The following SYNDIG1 variants were observed in gnomAD, a reference collection of about 807,000 sequenced individuals.
SYNDIG1 encodes synapse differentiation inducing 1, also known as synapse differentiation-inducing gene protein 1.
A neutral mutation model predicts 19.4 loss-of-function variants in SYNDIG1; 9 were observed. The observed-to-expected ratio is 0.46, with a 90% CI of 0.28 to 0.81. The LOEUF is 0.81. Among genes scored for constraint, SYNDIG1 ranks in the 30% least tolerant of loss-of-function variants. SYNDIG1 has a pLI of 0.12. For synonymous variants in SYNDIG1, 141 were observed against 145.9 expected (o/e 0.97, Z 0.24); for missense variants, 311 against 343.3 (o/e 0.91, Z 0.74).
At chr20:24,529,963 GA>G (rs1407497504) in intron 1 of SYNDIG1, among the ~76,000 whole-genome samples, 214 of 1,812 alleles carry the variant, frequency 0.12, no homozygotes, top group Non-Finnish European at 0.16. Context: ...TCAGTGTTGG[GA>G]ATAATGATGG....
At chr20:24,586,706 A>G (rs1361923654) in intron 3 of SYNDIG1, among the ~76,000 whole-genome samples, 1 of 152,170 alleles carries the variant, frequency 6.6e-6, no homozygotes, top group African/African-American at 2.4e-5. Context: ...ACCCACCATC[A>G]TGGGGCCCAG....
intron 3 of SYNDIG1, among the ~76,000 whole-genome samples, chr20:24,599,053 A>G (rs898052384): frequency 3.3e-5 from 5 of 152,216 alleles, no homozygotes; most frequent in Non-Finnish European, 5.9e-5. Context: ...TAAAGAGACA[A>G]CTTGCAGAGA....
chr20:24,500,514 CT>C (rs146656566), intron 1 of SYNDIG1, among the ~76,000 whole-genome samples: 82 of 113,038 alleles, frequency 7.3e-4, no homozygotes, highest in South Asian at 2.5e-3. Context: ...TTCTTTCTTT[CT>C]TTCTTTCTTT....
intron 1 of SYNDIG1, among the ~76,000 whole-genome samples, chr20:24,516,852 G>A (rs1006224825): frequency 6.6e-6 from 1 of 151,798 alleles, no homozygotes; most frequent in African/African-American, 2.4e-5. Flanking sequence ...ACATGCACAT[G>A]TATGTTTATT....
intron 2 of SYNDIG1, among the ~76,000 whole-genome samples, chr20:24,556,229 A>G (rs1281362627): frequency 6.6e-6 from 1 of 152,188 alleles, no homozygotes; most frequent in African/African-American, 2.4e-5. Context: ...TCCTGAATAC[A>G]GCACACTGAT....
intron 2 of SYNDIG1, among the ~76,000 whole-genome samples, chr20:24,562,328 C>A (rs181483606): frequency 6.6e-6 from 1 of 152,168 alleles, no homozygotes; most frequent in East Asian, 1.9e-4. Context: ...CCATTGAGGG[C>A]ATGCCAAATA....
rs200717142 is a variant in SYNDIG1 at position 24,591,449 on chromosome 20, C to CT, written c.618+6467dup. On this transcript the variant is annotated intron_variant, in intron 3 of 3. Coordinates refer to ENST00000376862, the MANE Select transcript of SYNDIG1 (RefSeq NM_024893.3). ...AGCTGAACATAGTACATCTAGTTATCTTTTTTTTTTTGAAGAGTTTTGCTG... is the reference window on the plus strand; with the variant it reads ...AGCTGAACATAGTACATCTAGTTATCTTTTTTTTTTTTGAAGAGTTTTGCTG... Among the ~76,000 whole-genome samples the CT allele has an allele frequency of 9.0e-3, 1,318 of 146,094 alleles. 24 individuals are homozygous for CT. The highest frequency in any genetic ancestry group is 0.028 in the African/African-American group (1,118 of 39,990).
At chr20:24,611,036 C>T (rs942124390) in intron 3 of SYNDIG1, among the ~76,000 whole-genome samples, 10 of 152,190 alleles carry the variant, frequency 6.6e-5, no homozygotes, top group African/African-American at 2.4e-4. Context: ...ATCTGCTCCC[C>T]TAGCTGAACC....
At chr20:24,640,768 G>A (rs556713662) in intron 3 of SYNDIG1, among the ~76,000 whole-genome samples, 2 of 152,122 alleles carry the variant, frequency 1.3e-5, no homozygotes, top group Non-Finnish European at 2.9e-5. Context: ...TGCTTCTGCA[G>A]GTAGCATGGG....
intron 2 of SYNDIG1, among the ~76,000 whole-genome samples, chr20:24,577,238 C>T (rs928331097): frequency 6.6e-6 from 1 of 152,144 alleles, no homozygotes; most frequent in African/African-American, 2.4e-5. Context: ...GTGGTTTTTA[C>T]GTGACCTGAC....
chr20:24,598,081 T>C (rs2058623764), intron 3 of SYNDIG1, among the ~76,000 whole-genome samples: 1 of 152,198 alleles, frequency 6.6e-6, no homozygotes, highest in African/African-American at 2.4e-5. Flanking sequence ...TTGTTTTGAG[T>C]GCAGTAGGGG....
intron 3 of SYNDIG1, among the ~76,000 whole-genome samples, chr20:24,607,824 A>C (rs147953019): frequency 6.6e-6 from 1 of 152,212 alleles, no homozygotes; most frequent in Admixed American, 6.5e-5. Flanking sequence ...AAAACTCCCA[A>C]TATTTACAGT....
At chr20:24,542,683 A>G (rs894652568) in intron 1 of SYNDIG1, among the ~76,000 whole-genome samples, 1 of 151,476 alleles carries the variant, frequency 6.6e-6, no homozygotes, top group Non-Finnish European at 1.5e-5. Context: ...GACTTGTCAG[A>G]TGCTAATGCG....
At chr20:24,533,089 G>T (rs1369146040) in intron 1 of SYNDIG1, among the ~76,000 whole-genome samples, 1 of 152,144 alleles carries the variant, frequency 6.6e-6, no homozygotes, top group Non-Finnish European at 1.5e-5. Context: ...TTCTGAGACT[G>T]CTCTGGAGGA....
chr20:24,507,538 C>T (rs1348299606), intron 1 of SYNDIG1, among the ~76,000 whole-genome samples: 1 of 152,190 alleles, frequency 6.6e-6, no homozygotes, highest in Non-Finnish European at 1.5e-5. Flanking sequence ...GGAACCCAGC[C>T]CTTGCCACAC....
At chr20:24,573,300 T>C (rs1007439003) in intron 2 of SYNDIG1, among the ~76,000 whole-genome samples, 2 of 152,136 alleles carry the variant, frequency 1.3e-5, no homozygotes, top group African/African-American at 4.8e-5. Flanking sequence ...GTCACGTAGA[T>C]TGATGTGGGA....
intron 1 of SYNDIG1, among the ~76,000 whole-genome samples, chr20:24,476,709 AC>A (rs1166545565): frequency 6.6e-6 from 1 of 152,008 alleles, no homozygotes; most frequent in Non-Finnish European, 1.5e-5. Flanking sequence ...ACAAAAAAAA[AC>A]TGTGGATATT....
At chr20:24,571,152 G>C (rs1370970272) in intron 2 of SYNDIG1, among the ~76,000 whole-genome samples, 1 of 152,182 alleles carries the variant, frequency 6.6e-6, no homozygotes, top group African/African-American at 2.4e-5. Context: ...AAGGAAAAAT[G>C]AGGGAGTTCT....
intron 1 of SYNDIG1, among the ~76,000 whole-genome samples, chr20:24,507,248 G>A (rs935234712): frequency 2.6e-5 from 4 of 152,226 alleles, no homozygotes; most frequent in Non-Finnish European, 5.9e-5. Flanking sequence ...CAAGCCTGTT[G>A]CCCACAGGAG....
Sources: gnomAD v4.1 joint callset for allele counts (sites outside exome capture counted in the v4.1 genomes callset) on GRCh38, gnomAD v4.1.1 for gene constraint, MANE v1.5 for transcripts, NCBI Gene and HGNC (gene_info 2026-07-23, HGNC 2026-07-21) for gene names.